Variants in CTNNA2 observed in about 807,000 individuals in gnomAD.
The protein encoded by CTNNA2 is catenin alpha 2, also known as catenin alpha-2.
Under a neutral mutation model 101.0 loss-of-function variants are expected in CTNNA2, and 42 were observed. That is an observed-to-expected ratio of 0.42 (90% CI 0.32 to 0.54). The LOEUF is 0.54. Among genes scored for constraint, CTNNA2 ranks in the 20% least tolerant of loss-of-function variants. The probability of loss-of-function intolerance (pLI) is 0.14; values close to 1 mark genes in which losing one functional copy is unlikely to be tolerated. For synonymous variants in CTNNA2, 450 were observed against 456.4 expected, an observed-to-expected ratio of 0.99 and a Z score of 0.18; for missense variants, 871 against 1,223.1, an observed-to-expected ratio of 0.71 and a Z score of 4.29.
chr2:79,679,132 T>C (rs1054462794), intron 2 of CTNNA2, among the ~76,000 whole-genome samples: 1 of 152,230 alleles, frequency 6.6e-6, no homozygotes, highest in East Asian at 1.9e-4. Flanking sequence ...ATTATAAAAC[T>C]GTGTTTCGCC....
chr2:79,939,591 T>C (rs1221984068), intron 7 of CTNNA2, among the ~76,000 whole-genome samples: 1 of 152,222 alleles, frequency 6.6e-6, no homozygotes, highest in East Asian at 1.9e-4. Context: ...TTGTTTTCCT[T>C]GTTTGTAATA....
chr2:79,751,360 G>A (rs931278432), intron 3 of CTNNA2, among the ~76,000 whole-genome samples: 1 of 152,076 alleles, frequency 6.6e-6, no homozygotes, highest in Non-Finnish European at 1.5e-5. Context: ...TTGGGAGGCC[G>A]AGGCAGGCAG....
Position 80,345,074 on chromosome 2 carries a change from C to T in CTNNA2, c.1057-48137C>T, listed in dbSNP as rs188868744. On this transcript the variant is annotated intron_variant, in intron 7 of 18. Coordinates refer to ENST00000402739, the MANE Select transcript of CTNNA2 (RefSeq NM_001282597.3). ...ATATTCACCTTTGCCACCCTCTTTCCAGGTCTATTCTCAACACAATAGCCA... is the reference window on the plus strand; with the variant it reads ...ATATTCACCTTTGCCACCCTCTTTCTAGGTCTATTCTCAACACAATAGCCA... Among the ~76,000 whole-genome samples the T allele has an allele frequency of 2.0e-4, 30 of 152,304 alleles. No homozygotes were observed. In the East Asian group the frequency reaches 5.2e-3, roughly 26 times the overall value.
chr2:80,102,843 A>G (rs905096075), intron 7 of CTNNA2, among the ~76,000 whole-genome samples: 20 of 152,308 alleles, frequency 1.3e-4, no homozygotes, highest in East Asian at 3.9e-4. Flanking sequence ...AAAAGCAACT[A>G]TGTGTCAGGG....
At chr2:80,336,110 T>C (rs1332692777) in intron 7 of CTNNA2, among the ~76,000 whole-genome samples, 1 of 152,216 alleles carries the variant, frequency 6.6e-6, no homozygotes, top group Non-Finnish European at 1.5e-5. Flanking sequence ...TTAGACTGGC[T>C]GACTTAAAAG....
chr2:79,667,063 T>G (rs1366973833), intron 2 of CTNNA2, among the ~76,000 whole-genome samples: 1 of 152,194 alleles, frequency 6.6e-6, no homozygotes, highest in Non-Finnish European at 1.5e-5. Flanking sequence ...TCCACTTCTT[T>G]GCCATGCAAA....
intron 12 of CTNNA2, chr2:80,573,135 TATC>T (rs1341599081): frequency 6.6e-6 from 1 of 152,232 alleles, no homozygotes; most frequent in African/African-American, 2.4e-5. Context: ...GTTTCTATTT[TATC>T]ATCCTTGTAA....
intron 4 of CTNNA2, among the ~76,000 whole-genome samples, chr2:79,462,955 T>G (rs922454964): frequency 7.2e-5 from 11 of 152,204 alleles, no homozygotes; most frequent in Non-Finnish European, 1.0e-4. Flanking sequence ...GGAAGAGTCA[T>G]CCAGGTATCA....
intron 4 of CTNNA2, among the ~76,000 whole-genome samples, chr2:79,426,569 A>T (rs1218866860): frequency 6.6e-6 from 1 of 152,164 alleles, no homozygotes; most frequent in Non-Finnish European, 1.5e-5. Flanking sequence ...AGGAACAAGC[A>T]GCATTTTAAT....
intron 2 of CTNNA2, among the ~76,000 whole-genome samples, chr2:79,270,934 A>T (rs923293076): frequency 1.3e-5 from 2 of 151,022 alleles, no homozygotes; most frequent in Non-Finnish European, 3.0e-5. Flanking sequence ...CTAGGGATTT[A>T]AAAAAAAATG....
chr2:80,513,367 G>T (rs1688861853), intron 9 of CTNNA2, among the ~76,000 whole-genome samples: 1 of 152,138 alleles, frequency 6.6e-6, no homozygotes, highest in African/African-American at 2.4e-5. Flanking sequence ...TGTTTAGCTG[G>T]GCTTTAGCAA....
At chr2:80,234,237 G>T (rs1470612279) in intron 7 of CTNNA2, among the ~76,000 whole-genome samples, 1 of 152,064 alleles carries the variant, frequency 6.6e-6, no homozygotes, top group African/African-American at 2.4e-5. Flanking sequence ...TTGCCATGTT[G>T]GCCAGGCTGG....
In CTNNA2 at chr2:79,985,654, A is replaced by C. The variant is rs562377291; in HGVS notation, c.1056+75857A>C. Reference sequence around the variant, plus strand: ...ATGCATTAATGTTGCTCATTAAGCAAACTAATCTACTGTATATGTTAACGT... The same window carrying C: ...ATGCATTAATGTTGCTCATTAAGCACACTAATCTACTGTATATGTTAACGT... On this transcript the variant is annotated intron_variant, in intron 7 of 18. Transcript: ENST00000402739. 5.3e-5 allele frequency among the ~76,000 whole-genome samples: 8 copies of C among 152,322 alleles called. No individual in the cohort carries two copies. In the East Asian group the frequency reaches 1.5e-3, roughly 29 times the overall value.
intron 9 of CTNNA2, among the ~76,000 whole-genome samples, chr2:80,525,812 C>T (rs992188402): frequency 8.5e-5 from 13 of 152,152 alleles, no homozygotes; most frequent in East Asian, 5.8e-4. Context: ...GACTACCTTA[C>T]GCGCTGGCAG....
At chr2:79,893,598 G>A (rs547069940) in intron 6 of CTNNA2, among the ~76,000 whole-genome samples, 1 of 152,228 alleles carries the variant, frequency 6.6e-6, no homozygotes, top group East Asian at 1.9e-4. Flanking sequence ...CCTTGAAAAA[G>A]TAAATGATGA....
At chr2:79,801,151 T>C (rs142187661) in intron 3 of CTNNA2, among the ~76,000 whole-genome samples, 1,579 of 152,274 alleles carry the variant, frequency 0.01, 13 homozygotes, top group Middle Eastern at 0.034. Flanking sequence ...GTGAATTGTT[T>C]TCAAAAACGT....
chr2:79,903,425 T>C (rs1479530723), intron 6 of CTNNA2, among the ~76,000 whole-genome samples: 2 of 152,076 alleles, frequency 1.3e-5, no homozygotes, highest in Non-Finnish European at 2.9e-5. Context: ...ACTCCTTTGC[T>C]TTAAGATCTC....
At chr2:80,566,800 G>GTGTGCCC (rs2149685968) in intron 12 of CTNNA2, among the ~76,000 whole-genome samples, 1 of 152,306 alleles carries the variant, frequency 6.6e-6, no homozygotes, top group African/African-American at 2.4e-5. Flanking sequence ...TCAAAGATCA[G>GTGTGCCC]TGTGCATGCC....
At chr2:79,634,749 A>T in intron 1 of CTNNA2, 1 of 152,432 alleles carries the variant, frequency 6.6e-6, no homozygotes, top group Admixed American at 6.5e-5. Context: ...GGAAGGAATG[A>T]CACAAGAAAA....
Sources: allele counts gnomAD v4.1 joint callset (sites outside exome capture counted in the v4.1 genomes callset), GRCh38; gene constraint gnomAD v4.1.1; transcripts MANE v1.5; gene names NCBI Gene and HGNC (gene_info 2026-07-23, HGNC 2026-07-21).